Variants in KIF5C observed in about 807,000 individuals in gnomAD.
KIF5C encodes kinesin family member 5C.
Under a neutral mutation model 125.2 loss-of-function variants are expected in KIF5C, and 18 were observed. That is an observed-to-expected ratio of 0.14 (90% CI 0.10 to 0.21). The LOEUF (loss-of-function observed/expected upper bound fraction) is 0.21. KIF5C is among the 10% of genes least tolerant of loss of function. KIF5C has a pLI of 1.00. For missense variants in KIF5C, 780 were observed against 1,183.8 expected (o/e 0.66, Z 5.01); for synonymous variants, 405 against 434.0 (o/e 0.93, Z 0.83).
intron 15 of KIF5C, among the ~76,000 whole-genome samples, chr2:148,989,767 G>A (rs1187380875): frequency 1.3e-5 from 2 of 152,020 alleles, no homozygotes; most frequent in African/African-American, 4.8e-5. Flanking sequence ...TATGTGTGTT[G>A]GCTATTTATA....
chr2:148,963,689 C>T (rs1232074539), intron 11 of KIF5C, among the ~76,000 whole-genome samples: 1 of 152,100 alleles, frequency 6.6e-6, no homozygotes, highest in East Asian at 1.9e-4. Flanking sequence ...TTCGGGAATC[C>T]TCCAGGTCAG....
intron 11 of KIF5C, among the ~76,000 whole-genome samples, chr2:148,969,736 T>C (rs569204695): frequency 1.3e-5 from 2 of 152,274 alleles, no homozygotes; most frequent in South Asian, 4.1e-4. Flanking sequence ...CTCCAGAGAA[T>C]TGGTCCACTG....
At chr2:148,902,322 T>G (rs1288057550) in intron 1 of KIF5C, among the ~76,000 whole-genome samples, 9 of 129,874 alleles carry the variant, frequency 6.9e-5, no homozygotes, top group African/African-American at 2.0e-4. Context: ...GCCAGAAACA[T>G]TTTTTTTTTT....
chr2:148,914,628 C>T (rs1232908996), intron 1 of KIF5C, among the ~76,000 whole-genome samples: 2 of 152,264 alleles, frequency 1.3e-5, no homozygotes, highest in Non-Finnish European at 2.9e-5. Context: ...GCCTTGGCAA[C>T]TCCATTAGAA....
chr2:148,914,919 C>T (rs908690350), intron 1 of KIF5C, among the ~76,000 whole-genome samples: 1 of 152,222 alleles, frequency 6.6e-6, no homozygotes, highest in African/African-American at 2.4e-5. Flanking sequence ...CTTAGGGTCT[C>T]CCTGTGAGGC....
At chr2:149,014,411 C>G (rs944283162) in intron 25 of KIF5C, among the ~76,000 whole-genome samples, 1 of 152,220 alleles carries the variant, frequency 6.6e-6, no homozygotes, top group Non-Finnish European at 1.5e-5. Context: ...ACCTTCTCCA[C>G]ACAGCTTCAG....
chr2:148,879,589 C>T (rs1681291222), intron 1 of KIF5C: 1 of 152,092 alleles, frequency 6.6e-6, no homozygotes, highest in African/African-American at 2.4e-5. Context: ...GGCTCCCTCC[C>T]ATAACACATT....
At chr2:149,000,880 T>C (rs1013678090) in intron 21 of KIF5C, 98 bp downstream of exon 21, 3 of 1,563,608 alleles carry the variant, frequency 1.9e-6, no homozygotes, top group Admixed American at 3.9e-5. Context: ...CACACCTTTC[T>C]GTGTAATGTT....
intron 19 of KIF5C, among the ~76,000 whole-genome samples, chr2:148,999,415 C>T (rs892202269): frequency 1.3e-5 from 2 of 152,178 alleles, no homozygotes; most frequent in African/African-American, 4.8e-5. Flanking sequence ...TGATCCAAGT[C>T]CCTTTTCAAT....
chr2:148,956,846 T>C (rs1309602410), intron 10 of KIF5C, among the ~76,000 whole-genome samples: 1 of 152,220 alleles, frequency 6.6e-6, no homozygotes, highest in Admixed American at 6.5e-5. Context: ...TTTTTAGAAA[T>C]GAAGAACCCA....
intron 3 of KIF5C, among the ~76,000 whole-genome samples, chr2:148,931,848 C>T (rs541049338): frequency 7.2e-5 from 11 of 152,276 alleles, no homozygotes; most frequent in East Asian, 1.9e-4. Context: ...GTTTCACCTC[C>T]GGTTGCCTCT....
intron 11 of KIF5C, among the ~76,000 whole-genome samples, chr2:148,962,982 CTTCTTCCCCAAAACATT>C (rs1201887931): frequency 6.6e-6 from 1 of 151,756 alleles, no homozygotes; most frequent in Non-Finnish European, 1.5e-5. Flanking sequence ...ACTCGTTTTC[CTTCTTCCCCAAAACATT>C]TTCTTTGGTT....
intron 1 of KIF5C, among the ~76,000 whole-genome samples, chr2:148,919,659 C>G (rs1397121958): frequency 6.6e-6 from 1 of 152,132 alleles, no homozygotes. Flanking sequence ...TGGCAATTAT[C>G]AATTATATAT....
intron 11 of KIF5C, among the ~76,000 whole-genome samples, chr2:148,963,644 T>C (rs1323650260): frequency 1.3e-5 from 2 of 152,188 alleles, no homozygotes; most frequent in Non-Finnish European, 2.9e-5. Context: ...GGAGCAGTAG[T>C]TGGCAAGGTG....
intron 2 of KIF5C, among the ~76,000 whole-genome samples, chr2:148,928,088 A>T (rs898842338): frequency 2.6e-5 from 4 of 152,218 alleles, no homozygotes; most frequent in Admixed American, 2.6e-4. Context: ...GTTTATTAAA[A>T]TTTTTTTAAA....
rs113245240 is a variant in KIF5C at position 148,998,651 on chromosome 2, C to T, written c.2210+142C>T. On this transcript the variant is annotated intron_variant, in intron 19 of 25. Transcript: ENST00000435030. The stretch of plus-strand genomic sequence containing the variant: ...TGCCCTGGTGACACAGCAGGCTGGG[C>T]GGGCTGCTTCCAAGGTCTGTTCTCC... 7.5e-3 allele frequency: 10,064 copies of T among 1,339,556 alleles called. 294 individuals are homozygous for T. In the African/African-American group the frequency reaches 0.083, roughly 11 times the overall value. 83.0% of individuals were successfully genotyped at this position (1,339,556 alleles called of 1,614,324 possible). A position where few individuals can be genotyped will look rare whatever the true frequency, so the allele number is the denominator to read the frequency against.
intron 1 of KIF5C, among the ~76,000 whole-genome samples, chr2:148,882,145 C>T (rs1036489358): frequency 5.3e-5 from 8 of 152,136 alleles, no homozygotes; most frequent in African/African-American, 7.2e-5. Context: ...TTCACCGTGG[C>T]GTCTTCACAG....
chr2:148,877,554 C>T (rs1681227109), intron 1 of KIF5C, among the ~76,000 whole-genome samples: 2 of 152,242 alleles, frequency 1.3e-5, no homozygotes. Context: ...CTGCTACTTT[C>T]TGAGCCAGGC....
At chr2:148,959,813 G>A (rs1222776681) in intron 10 of KIF5C, among the ~76,000 whole-genome samples, 3 of 152,222 alleles carry the variant, frequency 2.0e-5, no homozygotes, top group African/African-American at 7.2e-5. Context: ...GGAGAGAAGA[G>A]CGTGAGGTCC....
Sources: gnomAD v4.1 joint callset for allele counts (sites outside exome capture counted in the v4.1 genomes callset) on GRCh38, gnomAD v4.1.1 for gene constraint, MANE v1.5 for transcripts, NCBI Gene and HGNC (gene_info 2026-07-23, HGNC 2026-07-21) for gene names.